KLRG1: variants seen among roughly 807,000 people sequenced by gnomAD.
KLRG1 encodes the protein killer cell lectin-like receptor subfamily G member 1.
A neutral mutation model predicts 21.8 loss-of-function variants in KLRG1; 16 were observed. The observed-to-expected ratio is 0.73, with a 90% CI of 0.50 to 1.11. KLRG1 has a LOEUF of 1.11. Ranked by LOEUF, KLRG1 falls within the 50% of genes most tolerant of loss-of-function variation. The probability of loss-of-function intolerance (pLI) is 0.00; values close to 1 mark genes in which losing one functional copy is unlikely to be tolerated. For synonymous variants in KLRG1, 69 were observed against 75.9 expected (o/e 0.91, Z 0.47); for missense variants, 173 against 218.3 (o/e 0.79, Z 1.31).
At chr12:9,030,025 AT>A in the KLRG1 span, among the ~76,000 whole-genome samples, 1 of 152,228 alleles carries the variant, frequency 6.6e-6, no homozygotes. Context: ...AAGTGCTGAG[AT>A]TACAGGTGTG....
chr12:8,959,716 A>G (rs1394860367), intron 1 of KLRG1, among the ~76,000 whole-genome samples: 1 of 152,112 alleles, frequency 6.6e-6, no homozygotes, highest in African/African-American at 2.4e-5. Flanking sequence ...TTTTTCAGCA[A>G]TGTTTTACAG....
chr12:9,153,262 C>T, the KLRG1 span: 358 of 1,614,116 alleles, frequency 2.2e-4, no homozygotes, highest in African/African-American at 1.4e-3. Context: ...GAATCCTGAA[C>T]GGTGACCTGT....
chr12:8,955,375 ATTTTTTTTTTTTTTTTTTTTTT>A (rs61263683), intron 1 of KLRG1, among the ~76,000 whole-genome samples: 68 of 71,298 alleles, frequency 9.5e-4, no homozygotes, highest in Admixed American at 2.6e-3. Flanking sequence ...TATTGCTCTG[ATTTTTTTTTTTTTTTTTTTTTT>A]TTTTTTTTTT....
chr12:8,960,923 A>G (rs1183404766), intron 1 of KLRG1, among the ~76,000 whole-genome samples: 4 of 152,228 alleles, frequency 2.6e-5, no homozygotes, highest in Non-Finnish European at 5.9e-5. Flanking sequence ...GACGAGGTGT[A>G]GGAGATGGCA....
At chr12:8,954,636 AG>A (rs983155664) in intron 1 of KLRG1, among the ~76,000 whole-genome samples, 5 of 152,278 alleles carry the variant, frequency 3.3e-5, no homozygotes, top group African/African-American at 1.2e-4. Flanking sequence ...TGAAAAACCA[AG>A]ATGTGATTAC....
chr12:8,962,717 CA>C (rs34171622), intron 1 of KLRG1, among the ~76,000 whole-genome samples: 42,320 of 112,884 alleles, frequency 0.37, 6,137 homozygotes, highest in Admixed American at 0.44. Context: ...CCCTGTTTCC[CA>C]AAAAAAAAAA....
At chr12:8,962,213 A>G (rs1946393271) in intron 1 of KLRG1, among the ~76,000 whole-genome samples, 1 of 152,184 alleles carries the variant, frequency 6.6e-6, no homozygotes, top group Admixed American at 6.5e-5. Flanking sequence ...GGTTTTATAA[A>G]TACACTCCAT....
the KLRG1 span, among the ~76,000 whole-genome samples, chr12:9,205,671 T>C: frequency 1.3e-5 from 2 of 152,302 alleles, no homozygotes; most frequent in Non-Finnish European, 2.9e-5. Flanking sequence ...ATTTATAGAG[T>C]AAATTTGCAA....
intron 1 of KLRG1, among the ~76,000 whole-genome samples, chr12:8,965,466 G>A (rs1946453958): frequency 6.6e-6 from 1 of 152,144 alleles, no homozygotes; most frequent in Non-Finnish European, 1.5e-5. Flanking sequence ...ATCTCCTCAA[G>A]CTGATAAGCA....
chr12:9,168,815 G>A, the KLRG1 span: 4 of 1,329,636 alleles, frequency 3.0e-6, no homozygotes, highest in Middle Eastern at 1.8e-4. Context: ...AGCATTTTGG[G>A]CATAGTAATA....
the KLRG1 span, among the ~76,000 whole-genome samples, chr12:9,155,285 C>T: frequency 6.6e-6 from 1 of 152,000 alleles, no homozygotes; most frequent in African/African-American, 2.4e-5. Context: ...TTTGTTGTAC[C>T]TCTTTTCTTT....
At chr12:9,066,847 C>T in the KLRG1 span, 1 of 152,138 alleles carries the variant, frequency 6.6e-6, no homozygotes, top group Admixed American at 6.5e-5. Flanking sequence ...ATTTTTGTGC[C>T]AAATGAAGAG....
the KLRG1 span, among the ~76,000 whole-genome samples, chr12:9,069,351 C>G: frequency 6.6e-6 from 1 of 152,156 alleles, no homozygotes; most frequent in Non-Finnish European, 1.5e-5. Flanking sequence ...TTTTATGGTT[C>G]AAGTCCTTGT....
At chr12:9,068,857 T>G in the KLRG1 span, 1 of 1,557,334 alleles carries the variant, frequency 6.4e-7, no homozygotes, top group East Asian at 2.3e-5. Context: ...AAAGCAAAAG[T>G]CAATTAAATG....
At chr12:9,116,721 G>C in the KLRG1 span, among the ~76,000 whole-genome samples, 1 of 152,080 alleles carries the variant, frequency 6.6e-6, no homozygotes, top group Admixed American at 6.5e-5. Context: ...CAGTTGCTTT[G>C]TAAGTATTTT....
the KLRG1 span, among the ~76,000 whole-genome samples, chr12:9,133,403 TG>T: frequency 6.6e-6 from 1 of 152,222 alleles, no homozygotes; most frequent in African/African-American, 2.4e-5. Flanking sequence ...TACTGTTCTG[TG>T]GTTAACAAAA....
chr12:9,028,705 G>A, the KLRG1 span: 9 of 479,476 alleles, frequency 1.9e-5, no homozygotes, highest in East Asian at 4.9e-4. Context: ...GCCCCCCAAA[G>A]TGCTGGGATT....
chr12:9,195,443 C>G, the KLRG1 span, among the ~76,000 whole-genome samples: 301 of 150,798 alleles, frequency 2.0e-3, 2 homozygotes, highest in Middle Eastern at 0.01. Flanking sequence ...TTTTCCTTCC[C>G]CTTTCCTTCT....
At chr12:9,203,912 C>T in the KLRG1 span, 1 of 1,614,052 alleles carries the variant, frequency 6.2e-7, no homozygotes, top group Non-Finnish European at 8.5e-7. Context: ...TCTTAGGGGC[C>T]TCAGTGTGGA....
Sources: allele counts gnomAD v4.1 joint callset (sites outside exome capture counted in the v4.1 genomes callset), GRCh38; gene constraint gnomAD v4.1.1; transcripts MANE v1.5; gene names NCBI Gene and HGNC (gene_info 2026-07-23, HGNC 2026-07-21).